Variants in ARHGAP26 observed in about 807,000 individuals in gnomAD.
ARHGAP26 encodes the protein rho GTPase-activating protein 26.
A neutral mutation model predicts 104.8 loss-of-function variants in ARHGAP26; 38 were observed. The observed-to-expected ratio is 0.36, with a 90% CI of 0.28 to 0.48. The LOEUF (loss-of-function observed/expected upper bound fraction) is 0.48. Among genes scored for constraint, ARHGAP26 ranks in the 20% least tolerant of loss-of-function variants. ARHGAP26 has a pLI of 0.99. For synonymous variants in ARHGAP26, 341 were observed against 340.0 expected (o/e 1.00, Z -0.03); for missense variants, 704 against 947.9 (o/e 0.74, Z 3.38).
intron 12 of ARHGAP26, among the ~76,000 whole-genome samples, chr5:143,032,366 A>T (rs1256492463): frequency 1.3e-5 from 2 of 152,254 alleles, no homozygotes; most frequent in Non-Finnish European, 2.9e-5. Flanking sequence ...GCGACAACTC[A>T]TCACAAGTCA....
At chr5:143,010,702 A>G (rs942595838) in intron 11 of ARHGAP26, 1 of 152,228 alleles carries the variant, frequency 6.6e-6, no homozygotes, top group African/African-American at 2.4e-5. Flanking sequence ...AATTCAGGGA[A>G]TGCTTGGGTG....
chr5:142,875,371 C>T (rs754522956), intron 3 of ARHGAP26, among the ~76,000 whole-genome samples, 200 bp downstream of exon 3: 8 of 152,290 alleles, frequency 5.3e-5, no homozygotes, highest in African/African-American at 1.9e-4. Flanking sequence ...TTTAGAACAA[C>T]GTAGTTAAAT....
intron 20 of ARHGAP26, among the ~76,000 whole-genome samples, chr5:143,206,774 A>G (rs558526324): frequency 1.4e-4 from 21 of 152,322 alleles, no homozygotes; most frequent in Admixed American, 1.2e-3. Flanking sequence ...GAAAAAAAAC[A>G]TGGTCATTTC....
At position 142,776,512 on chromosome 5, in the gene ARHGAP26, A is replaced by G. The variant is rs529609088; in HGVS notation, c.154+5597A>G. On this transcript the variant is annotated intron_variant, in intron 1 of 22. Coordinates refer to ENST00000645722, the MANE Select transcript of ARHGAP26 (RefSeq NM_001135608.3). ...AATCATATAATATGTAGTCTTATGC[A>G]TCTGGCTTCTTTCACTAAGCATGCT... Among the ~76,000 whole-genome samples the G allele has an allele frequency of 3.9e-5, 6 of 152,332 alleles. No homozygotes were observed. The South Asian group carries it at 1.2e-3, about 32-fold the overall frequency.
chr5:143,052,226 C>G (rs950871601), intron 14 of ARHGAP26, among the ~76,000 whole-genome samples: 3 of 152,114 alleles, frequency 2.0e-5, no homozygotes, highest in South Asian at 4.1e-4. Flanking sequence ...AATCCCAGCA[C>G]TTTAGGAGGC....
In ARHGAP26 at chr5:143,115,378, C is replaced by T. The variant is rs61502472; in HGVS notation, c.1539-5610C>T. Among the ~76,000 whole-genome samples, 720 of 151,624 alleles carry T rather than the reference C, an allele frequency of 4.7e-3. 3 individuals are homozygous for T. Among genetic ancestry groups the T allele is most frequent in the African/African-American group, 0.017 (685 of 41,324 alleles). Reference sequence around the variant, plus strand: ...AAAAACGAAAGAAAGAAAAGACGTACTATTATGATTTGGGGTTTTCTATAG... The same window carrying T: ...AAAAACGAAAGAAAGAAAAGACGTATTATTATGATTTGGGGTTTTCTATAG... On this transcript the variant is annotated intron_variant, in intron 17 of 22. Transcript: ENST00000645722.
chr5:142,782,326 C>A (rs1323036658), intron 1 of ARHGAP26, among the ~76,000 whole-genome samples: 2 of 152,178 alleles, frequency 1.3e-5, no homozygotes, highest in Non-Finnish European at 2.9e-5. Context: ...AGGTTTGGCT[C>A]TCTCCAGGTG....
At chr5:142,911,264 C>T (rs1761796375) in intron 9 of ARHGAP26, among the ~76,000 whole-genome samples, 1 of 152,192 alleles carries the variant, frequency 6.6e-6, no homozygotes, top group Non-Finnish European at 1.5e-5. Flanking sequence ...GAGAATCCTA[C>T]ATGGTCTTGC....
At chr5:142,948,406 T>G (rs1233074860) in intron 11 of ARHGAP26, among the ~76,000 whole-genome samples, 1 of 127,040 alleles carries the variant, frequency 7.9e-6, no homozygotes, top group Non-Finnish European at 1.6e-5. Flanking sequence ...CTTGTGTGTA[T>G]TAAATATATA....
Position 143,201,207 on chromosome 5 carries a change from G to A in ARHGAP26, c.1989-5991G>A, listed in dbSNP as rs1807664790. 1.3e-5 allele frequency among the ~76,000 whole-genome samples: 2 copies of A among 152,160 alleles called. 1 individual carries two copies. ...ATGTTCCTTGCATGCTACAGTGTATGCTGTGTTGTTGCTGTCATTGGGCCT... is the reference window on the plus strand; with the variant it reads ...ATGTTCCTTGCATGCTACAGTGTATACTGTGTTGTTGCTGTCATTGGGCCT... On this transcript the variant is annotated intron_variant, in intron 20 of 22. Transcript: ENST00000645722.
At position 142,949,164 on chromosome 5, in the gene ARHGAP26, C is replaced by CGAGA. The variant is rs1767641310; in HGVS notation, c.1107+17039_1107+17040insGAGA. ...CTGCTGAAGTTTTATAGTTGAATTTCCAGAGAGAGAGAGAGAGAGAGAGAG... is the reference window on the plus strand; with the variant it reads ...CTGCTGAAGTTTTATAGTTGAATTTCGAGACAGAGAGAGAGAGAGAGAGAGAGAG... On this transcript the variant is annotated intron_variant, in intron 11 of 22. Coordinates refer to ENST00000645722, the MANE Select transcript of ARHGAP26 (RefSeq NM_001135608.3). 1.0e-3 allele frequency among the ~76,000 whole-genome samples: 42 copies of CGAGA among 40,630 alleles called. 8 individuals carry two copies. The East Asian group carries it at 0.011, about 11-fold the overall frequency. 26.7% of individuals were successfully genotyped at this position (40,630 alleles called of 152,430 possible). A position where few individuals can be genotyped will look rare whatever the true frequency, so the allele number is the denominator to read the frequency against.
intron 16 of ARHGAP26, among the ~76,000 whole-genome samples, chr5:143,057,025 A>G (rs1242820107): frequency 1.3e-5 from 2 of 152,188 alleles, no homozygotes; most frequent in African/African-American, 4.8e-5. Context: ...CCATCAGTCT[A>G]TTTGCCAGAG....
chr5:143,082,361 T>C (rs1301513873), intron 17 of ARHGAP26, among the ~76,000 whole-genome samples: 1 of 152,236 alleles, frequency 6.6e-6, no homozygotes, highest in East Asian at 1.9e-4. Flanking sequence ...AGAAATGCTC[T>C]CATCACTATC....
At chr5:143,030,581 A>T (rs1336520917) in intron 12 of ARHGAP26, among the ~76,000 whole-genome samples, 1 of 151,606 alleles carries the variant, frequency 6.6e-6, no homozygotes, top group Non-Finnish European at 1.5e-5. Context: ...TCATTTCTTT[A>T]TTTAACCTTT....
rs533979635 is a variant in ARHGAP26 at position 142,990,268 on chromosome 5, C to T, written c.1108-23812C>T. ...AATCGGCTACTGAAGCTTGTGATTG[C>T]GTCATGTAGTTCTTGTGCCGTGGTT... On this transcript the variant is annotated intron_variant, in intron 11 of 22. Transcript: ENST00000645722. Among the ~76,000 whole-genome samples, 101 of 152,320 alleles carry T rather than the reference C, an allele frequency of 6.6e-4. 1 individual carries two copies. Among genetic ancestry groups the T allele is most frequent in the Admixed American group, 2.1e-3 (32 of 15,302 alleles).
In ARHGAP26 at chr5:143,014,125, G is replaced by A. The variant is rs113079404; in HGVS notation, c.1144+9G>A. The A allele has an allele frequency of 2.5e-6, 4 of 1,614,108 alleles. No homozygotes were observed. Among genetic ancestry groups the A allele is most frequent in the East Asian group, 4.5e-5 (2 of 44,886 alleles). The stretch of plus-strand genomic sequence containing the variant: ...CAGCCAGAGTGAAGGGAGTAAGTAC[G>A]ATGCTTGGGTAACCTTCTACAGCCA... On this transcript the variant is annotated intron_variant, in intron 12 of 22. Coordinates refer to ENST00000645722, the MANE Select transcript of ARHGAP26 (RefSeq NM_001135608.3).
chr5:142,950,761 C>T (rs966804584), intron 11 of ARHGAP26, among the ~76,000 whole-genome samples: 1 of 152,072 alleles, frequency 6.6e-6, no homozygotes, highest in East Asian at 1.9e-4. Flanking sequence ...AGTAAATACA[C>T]AACACAAAGA....
rs751064216 is a variant in ARHGAP26, at chr5:143,034,848, G to T, written c.1145-2348G>T. ...TTATTAAATTTGAAAAATGCCTGCCGCATGAGTTGAGTTTTATTTGGAAGA... is the reference window on the plus strand; with the variant it reads ...TTATTAAATTTGAAAAATGCCTGCCTCATGAGTTGAGTTTTATTTGGAAGA... On this transcript the variant is annotated intron_variant, in intron 12 of 22. Transcript: ENST00000645722. 1.3e-4 allele frequency among the ~76,000 whole-genome samples: 20 copies of T among 152,100 alleles called. 1 individual carries two copies. The highest frequency in any genetic ancestry group is 2.5e-4 in the Non-Finnish European group (17 of 68,030).
At chr5:143,163,682 C>A (rs1244970701) in intron 20 of ARHGAP26, among the ~76,000 whole-genome samples, 1 of 151,966 alleles carries the variant, frequency 6.6e-6, no homozygotes, top group African/African-American at 2.4e-5. Context: ...AACTCCTGAC[C>A]TCTGGTGATC....
Sources: allele counts gnomAD v4.1 joint callset (sites outside exome capture counted in the v4.1 genomes callset), GRCh38; gene constraint gnomAD v4.1.1; transcripts MANE v1.5; gene names NCBI Gene and HGNC (gene_info 2026-07-23, HGNC 2026-07-21).